The following PARD3B variants were observed in gnomAD, a reference collection of about 807,000 sequenced individuals.
PARD3B encodes the protein par-3 family cell polarity regulator beta, also known as partitioning defective 3 homolog B.
In PARD3B, 103 loss-of-function variants were observed where a neutral mutation model predicts 130.2. That is an observed-to-expected ratio of 0.79 (90% CI 0.67 to 0.93). The LOEUF (loss-of-function observed/expected upper bound fraction) is 0.93, where lower values mean the gene tolerates loss of function less well. Ranked by LOEUF, PARD3B falls within the 40% of genes least tolerant of loss-of-function variation. PARD3B has a pLI of 0.00. For missense variants in PARD3B, 1,609 were observed against 1,499.2 expected (o/e 1.07, Z -1.21); for synonymous variants, 583 against 553.2 (o/e 1.05, Z -0.76).
intron 22 of PARD3B, among the ~76,000 whole-genome samples, chr2:205,555,894 G>A (rs56305295): frequency 0.041 from 6,171 of 152,230 alleles, 438 homozygotes; most frequent in African/African-American, 0.14. Context: ...TTGCACCCTG[G>A]TCCATGGGTG....
intron 2 of PARD3B, among the ~76,000 whole-genome samples, chr2:204,711,316 A>G (rs752605249): frequency 6.6e-5 from 10 of 152,198 alleles, no homozygotes; most frequent in Non-Finnish European, 1.5e-4. Flanking sequence ...TGAGAGCTTT[A>G]AACAAGACTC....
chr2:205,573,110 G>A (rs966867132), intron 22 of PARD3B, among the ~76,000 whole-genome samples: 1 of 152,064 alleles, frequency 6.6e-6, no homozygotes, highest in African/African-American at 2.4e-5. Context: ...AGAACAGCAC[G>A]GAGGTAACCA....
intron 4 of PARD3B, among the ~76,000 whole-genome samples, chr2:205,101,507 T>C (rs1197687147): frequency 6.6e-6 from 1 of 152,160 alleles, no homozygotes; most frequent in African/African-American, 2.4e-5. Flanking sequence ...ATAGTTACCA[T>C]ATGAGCAACA....
Position 204,760,638 on chromosome 2 carries a change from T to C in PARD3B, c.222+74356T>C, listed in dbSNP as rs145105722. On this transcript the variant is annotated intron_variant, in intron 2 of 22. Coordinates refer to ENST00000406610, the MANE Select transcript of PARD3B (RefSeq NM_001302769.2). ...TTTTCCTGGTTCATTATTAAACTTA[T>C]CTCTCTTTTAAATACCTTGCCAATT... is the stretch of plus-strand genomic sequence containing the variant. Among the ~76,000 whole-genome samples, 611 of 152,236 alleles carry C rather than the reference T, an allele frequency of 4.0e-3. 2 individuals are homozygous for C. Among genetic ancestry groups the C allele is most frequent in the South Asian group, 6.8e-3 (33 of 4,828 alleles).
chr2:205,347,249 A>G (rs2043827703), intron 18 of PARD3B, among the ~76,000 whole-genome samples: 1 of 152,208 alleles, frequency 6.6e-6, no homozygotes, highest in Admixed American at 6.5e-5. Flanking sequence ...TCTGTAGAAC[A>G]CTGGTAAGGG....
chr2:204,827,796 TAA>T, intron 2 of PARD3B, among the ~76,000 whole-genome samples: 1 of 152,358 alleles, frequency 6.6e-6, no homozygotes, highest in African/African-American at 2.4e-5. Flanking sequence ...GCTTCAAGAT[TAA>T]GTTTTGAAGT....
At chr2:205,596,493 T>C (rs995844458) in intron 22 of PARD3B, among the ~76,000 whole-genome samples, 1 of 152,182 alleles carries the variant, frequency 6.6e-6, no homozygotes, top group Non-Finnish European at 1.5e-5. Context: ...CAGGCCCAGC[T>C]TGGGGCTTTG....
At chr2:204,912,856 T>G (rs1380589704) in intron 2 of PARD3B, among the ~76,000 whole-genome samples, 2 of 152,184 alleles carry the variant, frequency 1.3e-5, no homozygotes, top group African/African-American at 2.4e-5. Flanking sequence ...TATCCTTACA[T>G]TTATCAGGAT....
At chr2:204,942,717 T>G (rs552957195) in intron 2 of PARD3B, among the ~76,000 whole-genome samples, 1 of 152,274 alleles carries the variant, frequency 6.6e-6, no homozygotes, top group South Asian at 2.1e-4. Context: ...TTCTATGTTG[T>G]GTAGTAATGC....
At chr2:205,234,077 G>T (rs2038959455) in intron 15 of PARD3B, among the ~76,000 whole-genome samples, 1 of 152,160 alleles carries the variant, frequency 6.6e-6, no homozygotes, top group African/African-American at 2.4e-5. Context: ...CAGCAAGATG[G>T]TATGTTCAAG....
chr2:205,080,376 G>A (rs1001356404), intron 4 of PARD3B, among the ~76,000 whole-genome samples: 1 of 151,780 alleles, frequency 6.6e-6, no homozygotes, highest in South Asian at 2.1e-4. Flanking sequence ...CAGATTAATT[G>A]TTGCCTTTAT....
chr2:204,969,818 T>C (rs1691544152), intron 3 of PARD3B, among the ~76,000 whole-genome samples: 2 of 152,216 alleles, frequency 1.3e-5, no homozygotes, highest in African/African-American at 4.8e-5. Flanking sequence ...CAAAAGCTAC[T>C]GAGAGAACAA....
At chr2:204,653,821 A>G (rs1242605823) in intron 1 of PARD3B, among the ~76,000 whole-genome samples, 1 of 150,154 alleles carries the variant, frequency 6.7e-6, no homozygotes, top group Non-Finnish European at 1.5e-5. Flanking sequence ...TGAAATATTC[A>G]TTCAGCATTC....
At chr2:205,377,460 C>A (rs1369742723) in intron 18 of PARD3B, among the ~76,000 whole-genome samples, 1 of 151,964 alleles carries the variant, frequency 6.6e-6, no homozygotes, top group Non-Finnish European at 1.5e-5. Flanking sequence ...ACTGGGTCAG[C>A]AGAAGAGAAT....
intron 18 of PARD3B, among the ~76,000 whole-genome samples, chr2:205,377,399 TCATAG>T (rs2045103399): frequency 6.6e-6 from 1 of 152,070 alleles, no homozygotes; most frequent in South Asian, 2.1e-4. Flanking sequence ...CTCCTCATGA[TCATAG>T]AAGTTTGGGA....
intron 22 of PARD3B, among the ~76,000 whole-genome samples, chr2:205,604,725 T>C (rs903157067): frequency 6.6e-6 from 1 of 152,218 alleles, no homozygotes; most frequent in Admixed American, 6.5e-5. Context: ...CGGTGTTCTC[T>C]GGATTTCCTG....
At chr2:204,567,379 A>G (rs1441604054) in intron 1 of PARD3B, among the ~76,000 whole-genome samples, 1 of 150,472 alleles carries the variant, frequency 6.6e-6, no homozygotes, top group Non-Finnish European at 1.5e-5. Context: ...CCTATTCCCC[A>G]CTCCCCCAGG....
intron 10 of PARD3B, among the ~76,000 whole-genome samples, chr2:205,153,374 TG>T (rs2033893114): frequency 6.6e-6 from 1 of 152,224 alleles, no homozygotes; most frequent in Non-Finnish European, 1.5e-5. Context: ...AGCTGTAGAC[TG>T]GAGCTGTTCC....
rs1041317431 is a variant in PARD3B at position 205,530,370 on chromosome 2, G to A, written c.3181-22954G>A. ...ATAAGGATGTTGATGTAATTTACAT[G>A]TAATGCCACTTTGTAGTCAGTTCAA... On this transcript the variant is annotated intron_variant, in intron 21 of 22. Coordinates refer to ENST00000406610, the MANE Select transcript of PARD3B (RefSeq NM_001302769.2). The surrounding 1 kb of genome is among the most constrained non-coding windows in gnomAD (Gnocchi z 4.7). Among the ~76,000 whole-genome samples, 1 of 152,206 alleles carries A rather than the reference G, an allele frequency of 6.6e-6. No homozygotes were observed. Among genetic ancestry groups the A allele is most frequent in the Non-Finnish European group, 1.5e-5 (1 of 68,042 alleles).
Sources: gnomAD v4.1 joint callset for allele counts (sites outside exome capture counted in the v4.1 genomes callset) on GRCh38, gnomAD v4.1.1 for gene constraint, Gnocchi (gnomAD v3.1) non-coding constraint, MANE v1.5 for transcripts, NCBI Gene and HGNC (gene_info 2026-07-23, HGNC 2026-07-21) for gene names.